P2RY14: variants seen among roughly 807,000 people sequenced by gnomAD.
The protein encoded by P2RY14 is P2Y purinoceptor 14.
In P2RY14, 2 loss-of-function variants were observed where a neutral mutation model predicts 0.9. The ratio of observed to expected loss-of-function variants is 2.16; its 90% CI spans 0.88 to 6.79. The LOEUF (loss-of-function observed/expected upper bound fraction) is 6.79, where lower values mean the gene tolerates loss of function less well. P2RY14 is among the 30% of genes most tolerant of loss of function. P2RY14 has a pLI of 0.05. For synonymous variants in P2RY14, 158 were observed against 147.2 expected, an observed-to-expected ratio of 1.07 and a Z score of -0.53; for missense variants, 378 against 400.1, an observed-to-expected ratio of 0.94 and a Z score of 0.47.
chr3:151,241,624 GTATA>G (rs997319387), intron 1 of P2RY14, among the ~76,000 whole-genome samples: 1 of 151,930 alleles, frequency 6.6e-6, no homozygotes, highest in African/African-American at 2.4e-5. Context: ...ATGTGTGTGT[GTATA>G]TACACACACA....
At chr3:151,223,976 T>C (rs1729948365) in intron 1 of P2RY14, among the ~76,000 whole-genome samples, 1 of 152,240 alleles carries the variant, frequency 6.6e-6, no homozygotes, top group East Asian at 1.9e-4. Context: ...TGGACTTTGC[T>C]GTATCTGTGA....
At position 151,227,040 on chromosome 3, in the gene P2RY14, C is replaced by G. The variant is rs1316299790; in HGVS notation, c.-132-7398G>C. ...CTGTTTGTCACCTTCAGCCAGTTTT[C>G]TCTGGCAGGAGATGTGAGCTCAAGA... On this transcript the variant is annotated intron_variant, in intron 1 of 2. Coordinates refer to ENST00000309170, the MANE Select transcript of P2RY14 (RefSeq NM_014879.4). 3.9e-5 allele frequency among the ~76,000 whole-genome samples: 6 copies of G among 152,184 alleles called. No homozygotes were observed. The East Asian group carries it at 7.7e-4, about 20-fold the overall frequency.
chr3:151,243,047 G>A (rs957454729), intron 1 of P2RY14, among the ~76,000 whole-genome samples: 6 of 151,472 alleles, frequency 4.0e-5, no homozygotes, highest in African/African-American at 4.8e-5. Flanking sequence ...GAAATGAAGC[G>A]AGAAGGGAAG....
rs1250387356 is a variant in P2RY14 at position 151,213,531 on chromosome 3, T to C, written c.786A>G (p.Glu262=). ...ARIPYTKSQT[E]AHYSCQSKEI... ...CTTTTGACTGGCAGCTGTAATGAGC[T>C]TCGGTCTGACTCTTTGTGTAGGGGA... The change falls in exon 3 of 3, where the codon GAA becomes GAG. Residue 262 remains glutamate (E), a synonymous_variant. Transcript: ENST00000309170. 6.2e-7 allele frequency: 1 copy of C among 1,614,202 alleles called. No homozygotes were observed. Among genetic ancestry groups the C allele is most frequent in the East Asian group, 2.2e-5 (1 of 44,890 alleles).
intron 1 of P2RY14, among the ~76,000 whole-genome samples, chr3:151,244,795 CA>C (rs1040795520): frequency 6.6e-6 from 1 of 151,942 alleles, no homozygotes. Flanking sequence ...AATAGAGTCA[CA>C]AAAAACCCTT....
At chr3:151,274,409 T>C (rs1300006878) in intron 1 of P2RY14, among the ~76,000 whole-genome samples, 1 of 152,204 alleles carries the variant, frequency 6.6e-6, no homozygotes, top group Non-Finnish European at 1.5e-5. Context: ...TTTTCACTTC[T>C]ATAAAGGTAG....
intron 2 of P2RY14, among the ~76,000 whole-genome samples, chr3:151,216,678 G>A (rs1576998754): frequency 6.6e-6 from 1 of 152,046 alleles, no homozygotes; most frequent in East Asian, 1.9e-4. Context: ...CTTCCCTGTA[G>A]CCTTGTGTGC....
At chr3:151,252,724 A>G (rs149930199) in intron 1 of P2RY14, among the ~76,000 whole-genome samples, 1 of 152,256 alleles carries the variant, frequency 6.6e-6, no homozygotes, top group East Asian at 1.9e-4. Context: ...TTTTGTACAT[A>G]TTCAGTTTGC....
chr3:151,246,972 C>T (rs1249631335), intron 1 of P2RY14, among the ~76,000 whole-genome samples: 1 of 152,168 alleles, frequency 6.6e-6, no homozygotes, highest in Non-Finnish European at 1.5e-5. Flanking sequence ...CACGAACAGA[C>T]ACTTCTCAAA....
intron 1 of P2RY14, among the ~76,000 whole-genome samples, chr3:151,250,533 CTT>C (rs1475326315): frequency 6.6e-6 from 1 of 152,094 alleles, no homozygotes; most frequent in East Asian, 1.9e-4. Context: ...AGTATTTGTC[CTT>C]TTTTGACTGG....
chr3:151,234,082 G>A (rs930141524), intron 1 of P2RY14, among the ~76,000 whole-genome samples: 2 of 152,208 alleles, frequency 1.3e-5, no homozygotes, highest in African/African-American at 4.8e-5. Context: ...ACTTTTAGGT[G>A]TATGCCCTAG....
chr3:151,215,871 C>G (rs1053513095), intron 2 of P2RY14, among the ~76,000 whole-genome samples: 1 of 152,170 alleles, frequency 6.6e-6, no homozygotes, highest in African/African-American at 2.4e-5. Context: ...CTTTTAGGTT[C>G]TGTGATTTCT....
At chr3:151,218,593 G>T (rs751746048) in intron 2 of P2RY14, among the ~76,000 whole-genome samples, 1 of 152,046 alleles carries the variant, frequency 6.6e-6, no homozygotes, top group African/African-American at 2.4e-5. Flanking sequence ...CTGTGGCCGG[G>T]CACGGTGGCT....
chr3:151,250,910 C>T (rs1295166990), intron 1 of P2RY14, among the ~76,000 whole-genome samples: 1 of 152,204 alleles, frequency 6.6e-6, no homozygotes, highest in Non-Finnish European at 1.5e-5. Flanking sequence ...TCACTTTCCC[C>T]ACATCCTTGC....
At chr3:151,237,761 T>A (rs1358864448) in intron 1 of P2RY14, among the ~76,000 whole-genome samples, 1 of 152,192 alleles carries the variant, frequency 6.6e-6, no homozygotes, top group Non-Finnish European at 1.5e-5. Context: ...GATTAAAAAT[T>A]TTTTTCTTAT....
intron 1 of P2RY14, among the ~76,000 whole-genome samples, chr3:151,228,061 A>G (rs541622946): frequency 6.6e-6 from 1 of 152,308 alleles, no homozygotes; most frequent in African/African-American, 2.4e-5. Flanking sequence ...TTGGGGTCAG[A>G]CCTTAACTGT....
At chr3:151,274,337 G>A (rs1741493772) in intron 1 of P2RY14, among the ~76,000 whole-genome samples, 1 of 152,088 alleles carries the variant, frequency 6.6e-6, no homozygotes, top group Non-Finnish European at 1.5e-5. Flanking sequence ...GTGATAACAG[G>A]GACAGCTGGT....
chr3:151,271,820 G>C (rs1235291765), intron 1 of P2RY14, among the ~76,000 whole-genome samples: 1 of 152,158 alleles, frequency 6.6e-6, no homozygotes, highest in Non-Finnish European at 1.5e-5. Flanking sequence ...AATACTGGTA[G>C]AACTAAGCTC....
chr3:151,230,971 G>A (rs1448822820), intron 1 of P2RY14, among the ~76,000 whole-genome samples: 2 of 152,138 alleles, frequency 1.3e-5, no homozygotes, highest in Non-Finnish European at 2.9e-5. Context: ...CTTTTGATCA[G>A]AAAGCAAGGA....
Sources: gnomAD v4.1 joint callset for allele counts (sites outside exome capture counted in the v4.1 genomes callset) on GRCh38, gnomAD v4.1.1 for gene constraint, MANE v1.5 for transcripts, NCBI Gene and HGNC (gene_info 2026-07-23, HGNC 2026-07-21) for gene names.